The following DYNC1I1 variants were observed in gnomAD, a reference collection of about 807,000 sequenced individuals.
The protein encoded by DYNC1I1 is dynein cytoplasmic 1 intermediate chain 1, also known as cytoplasmic dynein 1 intermediate chain 1.
A neutral mutation model predicts 86.6 loss-of-function variants in DYNC1I1; 43 were observed. The observed-to-expected ratio is 0.50, with a 90% CI of 0.39 to 0.64. DYNC1I1 has a LOEUF of 0.64. Among genes scored for constraint, DYNC1I1 ranks in the 30% least tolerant of loss-of-function variants. The pLI is 0.00. For missense variants in DYNC1I1, 604 were observed against 788.8 expected (o/e 0.77, Z 2.81); for synonymous variants, 262 against 283.7 (o/e 0.92, Z 0.77).
intron 6 of DYNC1I1, among the ~76,000 whole-genome samples, chr7:95,928,291 C>G (rs1410275875): frequency 6.6e-6 from 1 of 152,188 alleles, no homozygotes; most frequent in East Asian, 1.9e-4. Flanking sequence ...ATAACCTCCT[C>G]CAGGTATTTT....
At position 95,882,267 on chromosome 7, in the gene DYNC1I1, G is replaced by A. The variant is rs1301070103; in HGVS notation, c.490+12269G>A. Among the ~76,000 whole-genome samples, 4 of 152,226 alleles carry A rather than the reference G, an allele frequency of 2.6e-5. No homozygotes were observed. The East Asian group carries it at 5.8e-4, about 22-fold the overall frequency. On this transcript the variant is annotated intron_variant, in intron 6 of 16. Transcript: ENST00000447467. ...CAATAATAGGTATTGTTTTGCTGCC[G>A]AAGACTGAGAAAAGTTTTATGGATA...
chr7:95,853,466 G>A (rs1487457289), intron 5 of DYNC1I1, among the ~76,000 whole-genome samples: 3 of 152,130 alleles, frequency 2.0e-5, no homozygotes, highest in African/African-American at 7.2e-5. Flanking sequence ...CTCCAGAACT[G>A]TGAGCCAATA....
intron 10 of DYNC1I1, among the ~76,000 whole-genome samples, chr7:96,000,535 AG>A (rs1445070697): frequency 6.6e-6 from 1 of 152,240 alleles, no homozygotes; most frequent in East Asian, 1.9e-4. Flanking sequence ...AAAAGGCATA[AG>A]GGAATACCAG....
At chr7:95,887,134 C>T (rs1762476455) in intron 6 of DYNC1I1, among the ~76,000 whole-genome samples, 1 of 152,142 alleles carries the variant, frequency 6.6e-6, no homozygotes, top group African/African-American at 2.4e-5. Context: ...CTGACATGCA[C>T]CCAATCCGGG....
chr7:95,866,683 T>A (rs918649329), intron 5 of DYNC1I1, among the ~76,000 whole-genome samples: 1 of 152,376 alleles, frequency 6.6e-6, no homozygotes, highest in Admixed American at 6.5e-5. Context: ...GCATTTGATA[T>A]AAATGCAGCT....
intron 4 of DYNC1I1, among the ~76,000 whole-genome samples, chr7:95,816,050 C>T (rs1343249022): frequency 6.6e-6 from 1 of 150,564 alleles, no homozygotes; most frequent in Admixed American, 6.6e-5. Flanking sequence ...GACCGTCTTG[C>T]TCCATTGCCC....
At chr7:95,962,147 A>T (rs1336963632) in intron 6 of DYNC1I1, among the ~76,000 whole-genome samples, 4 of 152,178 alleles carry the variant, frequency 2.6e-5, no homozygotes, top group Non-Finnish European at 5.9e-5. Flanking sequence ...AACCTAAAGG[A>T]TGTAGCTAGG....
intron 5 of DYNC1I1, among the ~76,000 whole-genome samples, chr7:95,839,170 A>G (rs1412457387): frequency 6.6e-6 from 1 of 152,130 alleles, no homozygotes; most frequent in African/African-American, 2.4e-5. Flanking sequence ...AGCTGGGACT[A>G]TAGGCATGCG....
intron 6 of DYNC1I1, among the ~76,000 whole-genome samples, chr7:95,976,007 G>A (rs1373257620): frequency 2.6e-5 from 4 of 152,086 alleles, no homozygotes; most frequent in Non-Finnish European, 4.4e-5. Context: ...GTTCACATAC[G>A]GATAAGGACA....
intron 16 of DYNC1I1, among the ~76,000 whole-genome samples, chr7:96,096,207 A>G (rs1340444434): frequency 6.6e-6 from 1 of 152,112 alleles, no homozygotes; most frequent in African/African-American, 2.4e-5. Flanking sequence ...GTATTTGAGA[A>G]TATTATCCTT....
chr7:95,813,202 C>G, intron 3 of DYNC1I1, 45 bp from the exon 4 acceptor site: 1 of 1,611,792 alleles, frequency 6.2e-7, no homozygotes, highest in South Asian at 1.1e-5. Context: ...CCAGTGCAGC[C>G]GCTGCATTTT....
chr7:96,063,099 GTATA>G (rs201506783), intron 14 of DYNC1I1, among the ~76,000 whole-genome samples: 6 of 139,650 alleles, frequency 4.3e-5, no homozygotes, highest in African/African-American at 1.6e-4. Context: ...GTGTGTGTGT[GTATA>G]TATATGTGTG....
chr7:95,814,049 C>A (rs1406444058), intron 4 of DYNC1I1, among the ~76,000 whole-genome samples: 1 of 152,136 alleles, frequency 6.6e-6, no homozygotes, highest in Non-Finnish European at 1.5e-5. Flanking sequence ...ATCTCCGAAT[C>A]CAGCTGTCTT....
At chr7:95,971,176 T>C (rs1055607128) in intron 6 of DYNC1I1, among the ~76,000 whole-genome samples, 6 of 152,132 alleles carry the variant, frequency 3.9e-5, no homozygotes, top group Non-Finnish European at 8.8e-5. Context: ...AGGGATATCT[T>C]GGCTGGAGAA....
At chr7:95,940,145 CAG>C (rs1792164887) in intron 6 of DYNC1I1, among the ~76,000 whole-genome samples, 2 of 151,942 alleles carry the variant, frequency 1.3e-5, no homozygotes, top group South Asian at 4.2e-4. Context: ...TTCTGGCTTG[CAG>C]AGTTTCTGCC....
At chr7:96,093,888 A>C (rs1790920874) in intron 16 of DYNC1I1, among the ~76,000 whole-genome samples, 1 of 152,188 alleles carries the variant, frequency 6.6e-6, no homozygotes, top group Non-Finnish European at 1.5e-5. Context: ...TATTATTCTC[A>C]GAGAAAAAAT....
At position 95,797,058 on chromosome 7, in the gene DYNC1I1, T is replaced by C. The variant is rs77235101; in HGVS notation, c.-9-7663T>C. ...CAGCTTCACTTAAGAATGTCCTTCA[T>C]AAAGCAGAAAAAAAATTAGTTACAT... On this transcript the variant is annotated intron_variant, in intron 1 of 16. Transcript: ENST00000447467. Among the ~76,000 whole-genome samples, 372 of 152,184 alleles carry C rather than the reference T, an allele frequency of 2.4e-3. 8 individuals are homozygous for C. The highest frequency in any genetic ancestry group is 0.02 in the Admixed American group (298 of 15,280).
At position 95,936,970 on chromosome 7, in the gene DYNC1I1, A is replaced by ACACACACACG. The variant is rs536690962; in HGVS notation, c.491-40533_491-40532insGCACACACAC. Reference sequence around the variant, plus strand: ...AAGAATATGTCTCACACACACACACACACACACACACACACACACAAATAC... The same window carrying ACACACACACG: ...AAGAATATGTCTCACACACACACACACACACACACGCACACACACACACACACACAAATAC... On this transcript the variant is annotated intron_variant, in intron 6 of 16. Transcript: ENST00000447467. Among the ~76,000 whole-genome samples the ACACACACACG allele has an allele frequency of 5.3e-4, 80 of 151,868 alleles. 1 individual carries two copies. In the South Asian group the frequency reaches 0.015, roughly 29 times the overall value.
intron 7 of DYNC1I1, among the ~76,000 whole-genome samples, chr7:95,978,536 TA>T (rs1331413724): frequency 6.6e-6 from 1 of 151,490 alleles, no homozygotes; most frequent in Non-Finnish European, 1.5e-5. Flanking sequence ...CTGTGTAGAT[TA>T]AAAAGGTTCT....
Sources: gnomAD v4.1 joint callset for allele counts (sites outside exome capture counted in the v4.1 genomes callset) on GRCh38, gnomAD v4.1.1 for gene constraint, MANE v1.5 for transcripts, NCBI Gene and HGNC (gene_info 2026-07-23, HGNC 2026-07-21) for gene names.